Variants in FTCDNL1 observed in about 807,000 individuals in gnomAD.
FTCDNL1 encodes the protein formiminotransferase N-terminal subdomain-containing protein.
A neutral mutation model predicts 5.9 loss-of-function variants in FTCDNL1; 11 were observed. That is an observed-to-expected ratio of 1.87 (90% CI 1.18 to 3.10). FTCDNL1 has a LOEUF of 3.10. Ranked by LOEUF, FTCDNL1 falls within the 30% of genes most tolerant of loss-of-function variation. FTCDNL1 has a pLI of 0.00. For missense variants in FTCDNL1, 115 were observed against 65.5 expected, an observed-to-expected ratio of 1.76 and a Z score of -2.61; for synonymous variants, 58 against 24.8, an observed-to-expected ratio of 2.34 and a Z score of -3.99.
chr2:199,843,881 C>T (rs1392319346), intron 3 of FTCDNL1, among the ~76,000 whole-genome samples: 1 of 151,956 alleles, frequency 6.6e-6, no homozygotes, highest in East Asian at 1.9e-4. Flanking sequence ...AACCTTACCC[C>T]TGGGGCTGAA....
the FTCDNL1 span, among the ~76,000 whole-genome samples, chr2:199,735,625 G>T: frequency 6.6e-6 from 1 of 152,034 alleles, no homozygotes; most frequent in Non-Finnish European, 1.5e-5. Flanking sequence ...TATAGAAATG[G>T]GCAAAGAAAT....
the FTCDNL1 span, among the ~76,000 whole-genome samples, chr2:199,748,181 T>C: frequency 6.6e-6 from 1 of 152,162 alleles, no homozygotes; most frequent in Non-Finnish European, 1.5e-5. Context: ...TAGAATATAC[T>C]CCATATAAGA....
chr2:199,713,944 C>T, the FTCDNL1 span, among the ~76,000 whole-genome samples: 1 of 152,082 alleles, frequency 6.6e-6, no homozygotes, highest in Non-Finnish European at 1.5e-5. Flanking sequence ...AACCTAATGG[C>T]AAAACTGGGT....
downstream of FTCDNL1, among the ~76,000 whole-genome samples, chr2:199,758,451 C>CA (rs754047700): frequency 0.073 from 6,804 of 93,118 alleles, 204 homozygotes; most frequent in African/African-American, 0.12. Flanking sequence ...CCATTCCCAC[C>CA]AAAAAAAAAA....
the FTCDNL1 span, among the ~76,000 whole-genome samples, chr2:199,712,159 CATCAT>C: frequency 7.2e-5 from 11 of 152,132 alleles, no homozygotes; most frequent in Non-Finnish European, 1.3e-4. Context: ...TAAAAATCAT[CATCAT>C]GGAATAAACT....
the FTCDNL1 span, among the ~76,000 whole-genome samples, chr2:199,700,923 G>GA: frequency 0.12 from 17,826 of 145,956 alleles, 1,429 homozygotes; most frequent in Middle Eastern, 0.24. Flanking sequence ...TTCTCAACTA[G>GA]AAAAAAAAAA....
the FTCDNL1 span, among the ~76,000 whole-genome samples, chr2:199,720,243 A>T: frequency 1.3e-5 from 2 of 152,120 alleles, no homozygotes; most frequent in African/African-American, 4.8e-5. Flanking sequence ...TCTGGTGAGG[A>T]CTTCCCTCAA....
At chr2:199,696,635 CA>C in the FTCDNL1 span, among the ~76,000 whole-genome samples, 799 of 139,824 alleles carry the variant, frequency 5.7e-3, 7 homozygotes, top group African/African-American at 0.015. Context: ...AATATAAAAG[CA>C]AAAAAAAAAA....
chr2:199,809,221 T>G (rs1181219078), downstream of FTCDNL1, among the ~76,000 whole-genome samples: 1 of 151,218 alleles, frequency 6.6e-6, no homozygotes, highest in Admixed American at 6.6e-5. Flanking sequence ...GATCACTGGA[T>G]CCTATAAAAA....
chr2:199,720,098 G>A, the FTCDNL1 span, among the ~76,000 whole-genome samples: 12 of 152,102 alleles, frequency 7.9e-5, no homozygotes, highest in Middle Eastern at 3.2e-3. Flanking sequence ...ATTGATTTCT[G>A]TACAAATCTA....
At chr2:199,760,488 T>G (rs540330255), downstream of FTCDNL1, 23 of 276,108 alleles carry the variant, frequency 8.3e-5, no homozygotes, top group South Asian at 1.4e-3. Flanking sequence ...CAAATGCCTT[T>G]AACACCTTGT....
At position 199,809,875 on chromosome 2, in the gene FTCDNL1, C is replaced by A. The variant is rs1700935316; in HGVS notation, c.*2830G>T. Among the ~76,000 whole-genome samples, 2 of 146,676 alleles carry A rather than the reference C, an allele frequency of 1.4e-5. No individual in the cohort carries two copies. ...GAGAGATTATATTTTGTAACCCTCT[C>A]ATTTTTTAGTCACTTAGTACCTGAT... On this transcript the variant is annotated 3_prime_UTR_variant, in exon 5 of 5. Coordinates refer to ENST00000420128, the MANE Select transcript of FTCDNL1 (RefSeq NM_001363886.2).
the FTCDNL1 span, among the ~76,000 whole-genome samples, chr2:199,675,576 A>G: frequency 1.2e-4 from 18 of 152,138 alleles, no homozygotes; most frequent in Non-Finnish European, 2.4e-4. Context: ...CATAAAGGCA[A>G]TCTGGAGCTC....
At chr2:199,818,382 A>G (rs893522466) in intron 4 of FTCDNL1, 6 of 152,192 alleles carry the variant, frequency 3.9e-5, no homozygotes, top group Non-Finnish European at 8.8e-5. Context: ...TATCACTTTT[A>G]TTAAATCTCA....
chr2:199,720,202 T>C, the FTCDNL1 span, among the ~76,000 whole-genome samples: 1 of 152,322 alleles, frequency 6.6e-6, no homozygotes, highest in East Asian at 1.9e-4. Flanking sequence ...CCAATTTGGA[T>C]GCCTCTTATG....
chr2:199,841,341 C>T (rs1422583463), intron 3 of FTCDNL1, among the ~76,000 whole-genome samples: 1 of 150,622 alleles, frequency 6.6e-6, no homozygotes, highest in Admixed American at 6.6e-5. Flanking sequence ...GAGCCGAGAT[C>T]GTGCACTGCA....
chr2:199,742,030 T>C, the FTCDNL1 span, among the ~76,000 whole-genome samples: 3 of 152,084 alleles, frequency 2.0e-5, no homozygotes, highest in African/African-American at 7.2e-5. Context: ...TTTCCTACCC[T>C]CCGCCCTCAT....
At chr2:199,744,632 G>A in the FTCDNL1 span, among the ~76,000 whole-genome samples, 1 of 152,200 alleles carries the variant, frequency 6.6e-6, no homozygotes, top group East Asian at 1.9e-4. Context: ...CCCAGTCTGT[G>A]GTATTCTGTT....
the FTCDNL1 span, among the ~76,000 whole-genome samples, chr2:199,744,463 G>C: frequency 1.0e-3 from 156 of 152,226 alleles, no homozygotes; most frequent in African/African-American, 3.6e-3. Context: ...GAGAGAGAGA[G>C]AGACAGAGAG....
Sources: gnomAD v4.1 joint callset for allele counts (sites outside exome capture counted in the v4.1 genomes callset) on GRCh38, gnomAD v4.1.1 for gene constraint, MANE v1.5 for transcripts, NCBI Gene and HGNC (gene_info 2026-07-23, HGNC 2026-07-21) for gene names.